Variants in IPO11 observed in about 807,000 individuals in gnomAD.
The protein encoded by IPO11 is importin 11, also known as importin-11.
IPO11 carries 66 observed loss-of-function variants against 143.2 expected under a neutral mutation model. That is an observed-to-expected ratio of 0.46 (90% CI 0.38 to 0.57). The LOEUF is 0.57. Among genes scored for constraint, IPO11 ranks in the 20% least tolerant of loss-of-function variants. IPO11 has a pLI of 0.00. For synonymous variants in IPO11, 385 were observed against 377.8 expected (o/e 1.02, Z -0.22); for missense variants, 1,026 against 1,141.0 (o/e 0.90, Z 1.45).
chr5:62,490,642 TG>T (rs1201998480), intron 15 of IPO11, among the ~76,000 whole-genome samples: 3 of 152,224 alleles, frequency 2.0e-5, no homozygotes, highest in Non-Finnish European at 2.9e-5. Context: ...CAAAAATATT[TG>T]AATACCCTTT....
intron 5 of IPO11, among the ~76,000 whole-genome samples, chr5:62,460,214 C>T (rs1260497546): frequency 6.6e-6 from 1 of 152,172 alleles, no homozygotes; most frequent in Non-Finnish European, 1.5e-5. Flanking sequence ...TTCTCAAACA[C>T]ATTTTTACAA....
chr5:62,415,271 C>T (rs1743251512), intron 1 of IPO11, among the ~76,000 whole-genome samples: 1 of 151,882 alleles, frequency 6.6e-6, no homozygotes, highest in Non-Finnish European at 1.5e-5. Context: ...TCAAGCGGTT[C>T]TCCTGCCTCA....
At chr5:62,595,978 G>A (rs1234303387) in intron 28 of IPO11, among the ~76,000 whole-genome samples, 1 of 151,700 alleles carries the variant, frequency 6.6e-6, no homozygotes, top group Non-Finnish European at 1.5e-5. Flanking sequence ...GAATTTAGTG[G>A]CCCGGCGCGG....
rs867863332 is a variant in IPO11 at position 62,529,453 on chromosome 5, A to G, written c.2013-1256A>G. 1.7e-4 allele frequency among the ~76,000 whole-genome samples: 26 copies of G among 152,282 alleles called. No individual in the cohort carries two copies. The Middle Eastern group carries it at 0.01, about 60-fold the overall frequency. On this transcript the variant is annotated intron_variant, in intron 21 of 29. Coordinates refer to ENST00000325324, the MANE Select transcript of IPO11 (RefSeq NM_016338.5). ...GGGAATTCCACTATTAATGCATATT[A>G]TAAACATTTTTCTAACATTTTATCT...
chr5:62,574,598 C>T (rs767619362), intron 27 of IPO11, among the ~76,000 whole-genome samples: 4 of 152,150 alleles, frequency 2.6e-5, no homozygotes, highest in Admixed American at 1.3e-4. Flanking sequence ...TCCATCTCTG[C>T]TAGCTTTTTC....
intron 5 of IPO11, among the ~76,000 whole-genome samples, chr5:62,462,884 C>CT (rs36024537): frequency 0.17 from 23,518 of 142,108 alleles, 1,934 homozygotes; most frequent in Admixed American, 0.21. Context: ...TGTCACCATC[C>CT]TTTTTTTTTT....
At chr5:62,609,129 C>T (rs549130732) in intron 29 of IPO11, among the ~76,000 whole-genome samples, 39 of 152,324 alleles carry the variant, frequency 2.6e-4, no homozygotes, top group African/African-American at 7.9e-4. Flanking sequence ...ACCAACTCCA[C>T]GTCCTGCCAG....
intron 20 of IPO11, among the ~76,000 whole-genome samples, chr5:62,524,561 C>T (rs1443432036): frequency 6.6e-6 from 1 of 151,784 alleles, no homozygotes; most frequent in Admixed American, 6.6e-5. Flanking sequence ...GTTTTAAGGC[C>T]CAATATGTAC....
At chr5:62,566,108 T>C (rs552732554) in intron 27 of IPO11, among the ~76,000 whole-genome samples, 1 of 152,336 alleles carries the variant, frequency 6.6e-6, no homozygotes, top group East Asian at 1.9e-4. Flanking sequence ...TGTGTCTTTA[T>C]AGTAGAATGA....
intron 5 of IPO11, among the ~76,000 whole-genome samples, chr5:62,454,200 A>G (rs1322227857): frequency 2.0e-5 from 3 of 152,186 alleles, no homozygotes; most frequent in African/African-American, 7.2e-5. Context: ...TGTAAGAGAA[A>G]TTATTTTTGA....
intron 16 of IPO11, among the ~76,000 whole-genome samples, chr5:62,503,845 A>G (rs1400386688): frequency 2.6e-5 from 4 of 152,240 alleles, no homozygotes; most frequent in Admixed American, 2.6e-4. Flanking sequence ...TACTTTTTGA[A>G]AAATGACTGG....
chr5:62,522,953 C>G (rs956957232), intron 20 of IPO11, among the ~76,000 whole-genome samples: 5 of 152,222 alleles, frequency 3.3e-5, no homozygotes, highest in Non-Finnish European at 7.3e-5. Context: ...CCTCTGTCCC[C>G]TAAATGCAGG....
In IPO11 at chr5:62,416,435, G is replaced by A. The variant is rs61068759; in HGVS notation, c.-7+3506G>A. Reference sequence around the variant, plus strand: ...GACCTCAGGTGATCTGCCCGCCTCAGCCTCCCAAAGTGCTGGGATTACAGG... The same window carrying A: ...GACCTCAGGTGATCTGCCCGCCTCAACCTCCCAAAGTGCTGGGATTACAGG... On this transcript the variant is annotated intron_variant, in intron 1 of 29. Transcript: ENST00000325324. 2.0e-3 allele frequency among the ~76,000 whole-genome samples: 298 copies of A among 152,188 alleles called. 1 individual carries two copies. Among genetic ancestry groups the A allele is most frequent in the African/African-American group, 6.5e-3 (272 of 41,550 alleles).
chr5:62,482,693 C>G (rs560083175), intron 9 of IPO11, among the ~76,000 whole-genome samples: 22 of 152,256 alleles, frequency 1.4e-4, no homozygotes, highest in Admixed American at 3.3e-4. Context: ...AAGAAGACAT[C>G]TCCCTCCTTA....
chr5:62,580,993 CA>C, intron 27 of IPO11: 1 of 1,551,208 alleles, frequency 6.4e-7, no homozygotes, highest in Non-Finnish European at 8.7e-7. Context: ...AATTTGTACA[CA>C]AGAAGTTGAG....
At chr5:62,503,453 A>G (rs1297592848) in intron 16 of IPO11, among the ~76,000 whole-genome samples, 3 of 146,110 alleles carry the variant, frequency 2.1e-5, no homozygotes, top group Non-Finnish European at 3.0e-5. Context: ...TTCTATTAAT[A>G]GTTTAATATC....
At chr5:62,541,857 T>C (rs1286654689) in intron 24 of IPO11, among the ~76,000 whole-genome samples, 1 of 152,174 alleles carries the variant, frequency 6.6e-6, no homozygotes, top group Non-Finnish European at 1.5e-5. Context: ...TGTTACAGAT[T>C]AAGGCAATTT....
At chr5:62,413,913 G>C (rs775798283) in intron 1 of IPO11, among the ~76,000 whole-genome samples, 50 of 152,320 alleles carry the variant, frequency 3.3e-4, no homozygotes, top group Middle Eastern at 3.4e-3. Flanking sequence ...TCATCACTGA[G>C]GAAAATTTCG....
rs867995961 is a variant in IPO11, at chr5:62,620,242, G to T, written c.2764-6912G>T. Among the ~76,000 whole-genome samples, 7 of 152,204 alleles carry T rather than the reference G, an allele frequency of 4.6e-5. No individual in the cohort carries two copies. In the Middle Eastern group the frequency reaches 0.01, roughly 222 times the overall value. ...ACATGCATTTAAGAAATACAGGGCT[G>T]GGCGCGATGCCTCACGCCTGTAATC... On this transcript the variant is annotated intron_variant, in intron 29 of 29. Coordinates refer to ENST00000325324, the MANE Select transcript of IPO11 (RefSeq NM_016338.5).
Sources: allele counts gnomAD v4.1 joint callset (sites outside exome capture counted in the v4.1 genomes callset), GRCh38; gene constraint gnomAD v4.1.1; transcripts MANE v1.5; gene names NCBI Gene and HGNC (gene_info 2026-07-23, HGNC 2026-07-21).